TMEM196: variants seen among roughly 807,000 people sequenced by gnomAD.
The protein encoded by TMEM196 is transmembrane protein 196.
A neutral mutation model predicts 20.0 loss-of-function variants in TMEM196; 17 were observed. The ratio of observed to expected loss-of-function variants is 0.85; its 90% CI spans 0.58 to 1.27. The LOEUF (loss-of-function observed/expected upper bound fraction) is 1.27, where lower values mean the gene tolerates loss of function less well. Ranked by LOEUF, TMEM196 falls within the 50% of genes most tolerant of loss-of-function variation. The pLI is 0.00. For synonymous variants in TMEM196, 113 were observed against 88.9 expected (o/e 1.27, Z -1.52); for missense variants, 267 against 223.0 (o/e 1.20, Z -1.26).
At chr7:19,726,630 G>C (rs189868980) in intron 2 of TMEM196, among the ~76,000 whole-genome samples, 3 of 152,004 alleles carry the variant, frequency 2.0e-5, no homozygotes, top group African/African-American at 7.3e-5. Context: ...TCTATTAATA[G>C]AGCTAGGGGG....
chr7:19,759,447 A>T (rs954277551), intron 1 of TMEM196, among the ~76,000 whole-genome samples: 3 of 152,044 alleles, frequency 2.0e-5, no homozygotes, highest in South Asian at 4.1e-4. Context: ...CAAACATATG[A>T]CCTTAAAAAT....
At chr7:19,742,918 C>T (rs908706505) in intron 1 of TMEM196, among the ~76,000 whole-genome samples, 2 of 152,134 alleles carry the variant, frequency 1.3e-5, no homozygotes. Flanking sequence ...TATGGACTCT[C>T]ATAGAGAACA....
At chr7:19,724,141 G>A in intron 4 of TMEM196, 139 bp downstream of exon 4, 1 of 749,334 alleles carries the variant, frequency 1.3e-6, no homozygotes, top group Non-Finnish European at 2.2e-6. Flanking sequence ...CAAAGTAAGC[G>A]CTTACGAAAG....
At chr7:19,748,398 G>A (rs765738710) in intron 1 of TMEM196, among the ~76,000 whole-genome samples, 7 of 151,092 alleles carry the variant, frequency 4.6e-5, no homozygotes, top group South Asian at 2.1e-4. Flanking sequence ...TACAATAATC[G>A]AGGAACTTTA....
chr7:19,765,205 T>C (rs1785580605), intron 1 of TMEM196, among the ~76,000 whole-genome samples: 2 of 152,170 alleles, frequency 1.3e-5, no homozygotes, highest in South Asian at 4.1e-4. Flanking sequence ...GGTAAATAGA[T>C]CAGGGCACTC....
intron 1 of TMEM196, among the ~76,000 whole-genome samples, chr7:19,763,753 C>T (rs528776941): frequency 3.3e-5 from 5 of 152,248 alleles, no homozygotes; most frequent in South Asian, 4.1e-4. Flanking sequence ...CAAAAATATG[C>T]ATCCCATTGT....
intron 1 of TMEM196, among the ~76,000 whole-genome samples, chr7:19,734,641 A>G (rs1442112053): frequency 6.6e-6 from 1 of 152,212 alleles, no homozygotes; most frequent in Non-Finnish European, 1.5e-5. Flanking sequence ...CAAAGGGGCT[A>G]TGAGGCAAAG....
chr7:19,756,087 CAA>C (rs34239969), intron 1 of TMEM196, among the ~76,000 whole-genome samples: 6,268 of 143,866 alleles, frequency 0.044, 185 homozygotes, highest in Non-Finnish European at 0.066. Flanking sequence ...TTCTTTTGAT[CAA>C]AAAAAAAAAT....
intron 1 of TMEM196, among the ~76,000 whole-genome samples, chr7:19,732,711 T>G (rs1055215181): frequency 1.3e-5 from 2 of 151,746 alleles, no homozygotes; most frequent in African/African-American, 4.8e-5. Flanking sequence ...CACCTACAAC[T>G]GCAAGACCAT....
intron 1 of TMEM196, among the ~76,000 whole-genome samples, chr7:19,747,249 C>T (rs1261255200): frequency 1.6e-5 from 2 of 128,424 alleles, no homozygotes; most frequent in Non-Finnish European, 3.1e-5. Flanking sequence ...AGCGAGACTC[C>T]GTCTCAAAAA....
In TMEM196 at chr7:19,769,100, A is replaced by T. The variant is rs570784294; in HGVS notation, c.147+3450T>A. 3.3e-5 allele frequency among the ~76,000 whole-genome samples: 5 copies of T among 152,262 alleles called. No homozygotes were observed. The South Asian group carries it at 1.0e-3, about 32-fold the overall frequency. ...TTAATTCAGCAATCTTATAGTAATG[A>T]TATTAATGTGTTGAAAGGAGTTTTA... On this transcript the variant is annotated intron_variant, in intron 1 of 4. Coordinates refer to ENST00000405844, the MANE Select transcript of TMEM196 (RefSeq NM_001363562.2).
chr7:19,762,734 A>G (rs1401649116), intron 1 of TMEM196, among the ~76,000 whole-genome samples: 1 of 152,162 alleles, frequency 6.6e-6, no homozygotes, highest in East Asian at 1.9e-4. Context: ...AGAAAGAAAA[A>G]AAATTACTCC....
intron 1 of TMEM196, among the ~76,000 whole-genome samples, chr7:19,744,681 C>A (rs1270872951): frequency 6.6e-6 from 1 of 152,152 alleles, no homozygotes; most frequent in Non-Finnish European, 1.5e-5. Context: ...CATCCAGTTC[C>A]TTTACTTTGC....
intron 3 of TMEM196, among the ~76,000 whole-genome samples, chr7:19,724,641 G>A (rs1290493490): frequency 6.6e-6 from 1 of 152,084 alleles, no homozygotes; most frequent in African/African-American, 2.4e-5. Flanking sequence ...AAATGGAAAC[G>A]CTACAGAATA....
chr7:19,751,852 G>A (rs1347460533), intron 1 of TMEM196, among the ~76,000 whole-genome samples: 1 of 152,064 alleles, frequency 6.6e-6, no homozygotes, highest in African/African-American at 2.4e-5. Context: ...CATCCATGGA[G>A]GCAGATTTTC....
chr7:19,741,893 C>T (rs1011209540), intron 1 of TMEM196, among the ~76,000 whole-genome samples: 32 of 152,172 alleles, frequency 2.1e-4, no homozygotes, highest in Non-Finnish European at 2.1e-4. Flanking sequence ...TGCAGAATAG[C>T]TTTTCCCTTT....
chr7:19,769,231 A>G (rs972203634), intron 1 of TMEM196, among the ~76,000 whole-genome samples: 1 of 152,172 alleles, frequency 6.6e-6, no homozygotes, highest in Non-Finnish European at 1.5e-5. Flanking sequence ...TTTTTAATTC[A>G]TAATTTAGCA....
chr7:19,772,264 A>G (rs2128042386), intron 1 of TMEM196, among the ~76,000 whole-genome samples: 1 of 139,030 alleles, frequency 7.2e-6, no homozygotes, highest in Middle Eastern at 3.6e-3. Context: ...CCTTTTGTAG[A>G]ATCAGCCAGT....
At chr7:19,772,363 C>CAAAA (rs1785918227) in intron 1 of TMEM196, among the ~76,000 whole-genome samples, 187 bp downstream of exon 1, 1 of 134,520 alleles carries the variant, frequency 7.4e-6, no homozygotes, top group Admixed American at 8.0e-5. Flanking sequence ...CAAAACAAAA[C>CAAAA]AAAACAGAAA....
Sources: gnomAD v4.1 joint callset for allele counts (sites outside exome capture counted in the v4.1 genomes callset) on GRCh38, gnomAD v4.1.1 for gene constraint, MANE v1.5 for transcripts, NCBI Gene and HGNC (gene_info 2026-07-23, HGNC 2026-07-21) for gene names.